The following MYRFL variants were observed in gnomAD, a reference collection of about 807,000 sequenced individuals.
MYRFL encodes myelin regulatory factor like.
MYRFL carries 88 observed loss-of-function variants against 109.4 expected under a neutral mutation model. The observed-to-expected ratio is 0.80, with a 90% CI of 0.68 to 0.96. The LOEUF (loss-of-function observed/expected upper bound fraction) is 0.96, where lower values mean the gene tolerates loss of function less well. Ranked by LOEUF, MYRFL falls within the 40% of genes least tolerant of loss-of-function variation. The pLI is 0.00. For missense variants in MYRFL, 957 were observed against 954.9 expected, an observed-to-expected ratio of 1.00 and a Z score of -0.03; for synonymous variants, 324 against 320.9, an observed-to-expected ratio of 1.01 and a Z score of -0.10.
intron 1 of MYRFL, among the ~76,000 whole-genome samples, chr12:69,839,902 T>A (rs1883147398): frequency 6.6e-6 from 1 of 152,208 alleles, no homozygotes; most frequent in Non-Finnish European, 1.5e-5. Context: ...ATCCTCAAGA[T>A]CTGACCTATG....
In MYRFL at chr12:69,854,331, C is replaced by G. The variant is rs867991540; in HGVS notation, c.47-949C>G. Among the ~76,000 whole-genome samples, 275 of 106,384 alleles carry G rather than the reference C, an allele frequency of 2.6e-3. 2 individuals are homozygous for G. Among genetic ancestry groups the G allele is most frequent in the African/African-American group, 8.6e-3 (270 of 31,530 alleles). 69.8% of individuals were successfully genotyped at this position (106,384 alleles called of 152,430 possible). ...CCTCGGCTGGGCATCAGAGGGAGAC[C>G]GTGGAGGGGGAGGGGGAGGGAGAGG... is the stretch of plus-strand genomic sequence containing the variant. On this transcript the variant is annotated intron_variant, in intron 1 of 24. Transcript: ENST00000552032.
intron 15 of MYRFL, among the ~76,000 whole-genome samples, chr12:69,932,171 A>C (rs1308846488): frequency 6.7e-6 from 1 of 149,416 alleles, no homozygotes; most frequent in East Asian, 2.0e-4. Flanking sequence ...GATGCACATC[A>C]TCTGTGGTCT....
intron 13 of MYRFL, among the ~76,000 whole-genome samples, chr12:69,917,383 CTTTTTTTTT>C (rs56118035): frequency 9.8e-6 from 1 of 102,510 alleles, no homozygotes; most frequent in Admixed American, 1.2e-4. Flanking sequence ...TATTCACTGA[CTTTTTTTTT>C]TTTTTTTTTT....
chr12:69,908,638 G>T (rs564449833), intron 11 of MYRFL, among the ~76,000 whole-genome samples: 1 of 152,316 alleles, frequency 6.6e-6, no homozygotes, highest in African/African-American at 2.4e-5. Flanking sequence ...ATGATTCTCT[G>T]TGCATAATTC....
intron 11 of MYRFL, among the ~76,000 whole-genome samples, chr12:69,904,638 A>C (rs532255429): frequency 6.6e-6 from 1 of 152,162 alleles, no homozygotes; most frequent in South Asian, 2.1e-4. Context: ...TACAACTGCT[A>C]TGTAGACCAT....
At chr12:69,835,853 G>A (rs1416835907) in intron 1 of MYRFL, among the ~76,000 whole-genome samples, 1 of 152,136 alleles carries the variant, frequency 6.6e-6, no homozygotes, top group Non-Finnish European at 1.5e-5. Context: ...CCATGGCAGT[G>A]TCTAGAGGTG....
At chr12:69,913,978 C>T (rs1457298832) in intron 13 of MYRFL, among the ~76,000 whole-genome samples, 1 of 152,140 alleles carries the variant, frequency 6.6e-6, no homozygotes, top group African/African-American at 2.4e-5. Flanking sequence ...TTTCTTTCAG[C>T]AATGGTTTAT....
chr12:69,864,281 C>T lies in MYRFL; in HGVS notation c.137+8911C>T, dbSNP rs186968792. Among the ~76,000 whole-genome samples the T allele has an allele frequency of 2.8e-3, 424 of 152,120 alleles. 1 individual carries two copies. The highest frequency in any genetic ancestry group is 4.4e-3 in the Non-Finnish European group (297 of 67,990). On this transcript the variant is annotated intron_variant, in intron 2 of 24. Coordinates refer to ENST00000552032, the MANE Select transcript of MYRFL (RefSeq NM_182530.3). The stretch of plus-strand genomic sequence containing the variant: ...TTTCCCTTCTAGAACTCCAAGAATG[C>T]AAATGTTAGACCTTTGATATTTTGC...
intron 13 of MYRFL, among the ~76,000 whole-genome samples, chr12:69,916,034 A>T (rs1443159143): frequency 6.6e-6 from 1 of 151,978 alleles, no homozygotes; most frequent in Non-Finnish European, 1.5e-5. Context: ...TTTTAAATTT[A>T]AGATTGCATG....
At chr12:69,877,023 CTTTTTTT>C (rs113649427) in intron 2 of MYRFL, among the ~76,000 whole-genome samples, 5 of 128,898 alleles carry the variant, frequency 3.9e-5, no homozygotes, top group South Asian at 2.6e-4. Flanking sequence ...TTCTTTCTTT[CTTTTTTT>C]TTTTTTTTTT....
intron 14 of MYRFL, among the ~76,000 whole-genome samples, chr12:69,927,197 G>A (rs1426109357): frequency 5.9e-5 from 9 of 151,614 alleles, no homozygotes; most frequent in South Asian, 2.1e-4. Flanking sequence ...CACCCACCTC[G>A]GCCTCCCAAA....
At chr12:69,868,628 G>T (rs1885150649) in intron 2 of MYRFL, among the ~76,000 whole-genome samples, 1 of 152,198 alleles carries the variant, frequency 6.6e-6, no homozygotes, top group East Asian at 1.9e-4. Flanking sequence ...GAGGGGAGGA[G>T]TGGCATCTTC....
intron 1 of MYRFL, among the ~76,000 whole-genome samples, chr12:69,845,324 G>A (rs1883463948): frequency 6.6e-6 from 1 of 152,116 alleles, no homozygotes; most frequent in African/African-American, 2.4e-5. Context: ...TTGGCACATG[G>A]TAGGTCCTTA....
At chr12:69,893,930 C>A (rs1887064849) in intron 8 of MYRFL, 90 bp downstream of exon 8, 9 of 300,170 alleles carry the variant, frequency 3.0e-5, no homozygotes, top group Non-Finnish European at 4.7e-5. Context: ...TATTTATTAT[C>A]TAATATATTT....
intron 13 of MYRFL, among the ~76,000 whole-genome samples, chr12:69,921,490 T>TTAC (rs1189997536): frequency 1.1e-4 from 17 of 152,172 alleles, no homozygotes; most frequent in Admixed American, 2.0e-4. Flanking sequence ...AAACTCTAGA[T>TTAC]TATAGTTTTG....
chr12:69,896,159 G>A (rs938257479), intron 9 of MYRFL, among the ~76,000 whole-genome samples: 1 of 152,098 alleles, frequency 6.6e-6, no homozygotes. Flanking sequence ...GTGACCTTGG[G>A]CATATAACTT....
chr12:69,881,669 G>A (rs1211111302), intron 5 of MYRFL, among the ~76,000 whole-genome samples: 1 of 152,136 alleles, frequency 6.6e-6, no homozygotes, highest in Admixed American at 6.5e-5. Context: ...AATTGCACTG[G>A]GCATCTATCC....
At chr12:69,876,417 CTG>C (rs1449575271) in intron 2 of MYRFL, among the ~76,000 whole-genome samples, 4 of 151,232 alleles carry the variant, frequency 2.6e-5, no homozygotes, top group Admixed American at 6.6e-5. Flanking sequence ...AGCATTTGTA[CTG>C]TTTCTCTGTG....
intron 11 of MYRFL, 35 bp downstream of exon 11, chr12:69,903,879 G>T (rs145561784): frequency 1.3e-5 from 19 of 1,484,232 alleles, no homozygotes; most frequent in South Asian, 2.7e-5. Flanking sequence ...CCCCTCCTCT[G>T]ACACCCCAGT....
Sources: gnomAD v4.1 joint callset for allele counts (sites outside exome capture counted in the v4.1 genomes callset) on GRCh38, gnomAD v4.1.1 for gene constraint, MANE v1.5 for transcripts, NCBI Gene and HGNC (gene_info 2026-07-23, HGNC 2026-07-21) for gene names.